The following KAZN variants were observed in gnomAD, a reference collection of about 807,000 sequenced individuals.
The protein encoded by KAZN is kazrin.
KAZN carries 40 observed loss-of-function variants against 87.4 expected under a neutral mutation model. That is an observed-to-expected ratio of 0.46 (90% CI 0.36 to 0.60). KAZN has a LOEUF of 0.60. KAZN is among the 20% of genes least tolerant of loss of function. KAZN has a pLI of 0.00. For synonymous variants in KAZN, 466 were observed against 458.3 expected, an observed-to-expected ratio of 1.02 and a Z score of -0.22; for missense variants, 898 against 1,073.9, an observed-to-expected ratio of 0.84 and a Z score of 2.29.
chr1:14,443,141 G>A (rs761512289), intron 2 of KAZN, among the ~76,000 whole-genome samples: 8 of 152,172 alleles, frequency 5.3e-5, no homozygotes, highest in Admixed American at 3.3e-4. Flanking sequence ...TCTTCCAAAC[G>A]TGATCTGGGC....
In KAZN at chr1:14,949,175, A is replaced by ATAG. The variant is rs1462719559; in HGVS notation, c.227-11507_227-11506insGTA. Among the ~76,000 whole-genome samples, 4 of 149,506 alleles carry ATAG rather than the reference A, an allele frequency of 2.7e-5. No homozygotes were observed. The highest frequency in any genetic ancestry group is 9.8e-5 in the African/African-American group (4 of 40,824). On this transcript the variant is annotated intron_variant, in intron 1 of 14. Coordinates refer to ENST00000376030, the MANE Select transcript of KAZN (RefSeq NM_201628.3). This position sits in a 1 kb window ranked among gnomAD's most constrained non-coding sequence, Gnocchi z 4.3. ...CTCAAAAATAATAATAATAATAATA[A>ATAG]TAATAATAATAATAAGTAATTTGTC... is the stretch of plus-strand genomic sequence containing the variant.
chr1:15,090,752 C>T (rs1202115947), intron 8 of KAZN, among the ~76,000 whole-genome samples: 2 of 152,240 alleles, frequency 1.3e-5, no homozygotes, highest in Non-Finnish European at 2.9e-5. Flanking sequence ...CTTGTCCCAG[C>T]ACGGACAGCC....
At chr1:14,523,459 G>A (rs1011296043) in intron 2 of KAZN, among the ~76,000 whole-genome samples, 9 of 152,168 alleles carry the variant, frequency 5.9e-5, no homozygotes, top group Non-Finnish European at 1.0e-4. Flanking sequence ...ACATGGAAAG[G>A]GCGGAAATAA....
chr1:14,532,679 C>T (rs1310064263), intron 2 of KAZN, among the ~76,000 whole-genome samples: 1 of 135,778 alleles, frequency 7.4e-6, no homozygotes, highest in Non-Finnish European at 1.5e-5. Context: ...TCCATGTGTT[C>T]TCATTGTTCA....
chr1:14,296,524 G>A (rs903981694), intron 2 of KAZN, among the ~76,000 whole-genome samples: 37 of 151,796 alleles, frequency 2.4e-4, no homozygotes, highest in African/African-American at 8.7e-4. Flanking sequence ...CAGGGAGCAT[G>A]AGCCCTTATT....
At chr1:15,069,326 C>T (rs1327022105) in intron 8 of KAZN, among the ~76,000 whole-genome samples, 1 of 152,146 alleles carries the variant, frequency 6.6e-6, no homozygotes, top group African/African-American at 2.4e-5. Flanking sequence ...TTTTTGCCCT[C>T]TCAAAACTAA....
chr1:14,350,075 AG>A lies in KAZN; in HGVS notation c.249+169484del, dbSNP rs552398151. Among the ~76,000 whole-genome samples, 131 of 147,944 alleles carry A rather than the reference AG, an allele frequency of 8.9e-4. 1 individual carries two copies. Among genetic ancestry groups the A allele is most frequent in the Non-Finnish European group, 1.4e-3 (93 of 67,470 alleles). On this transcript the variant is annotated intron_variant, in intron 2 of 16. Transcript: ENST00000636203. ...CGTGAACCTGGGAGGCGGAGCTTGC[AG>A]TGAGCTGAGATCGCGCCACTGCACT... is the stretch of plus-strand genomic sequence containing the variant.
At position 14,735,820 on chromosome 1, in the gene KAZN, C is replaced by A. The variant is rs1236251176; in HGVS notation, c.226+136597C>A. ...TGGGTTTGGTAAGTTGTAAAAGGAA[C>A]TTGCTGCTAAATAGCCACTTAATCC... On this transcript the variant is annotated intron_variant, in intron 1 of 14. Coordinates refer to ENST00000376030, the MANE Select transcript of KAZN (RefSeq NM_201628.3). The surrounding 1 kb of genome is among the most constrained non-coding windows in gnomAD (Gnocchi z 4.3). Among the ~76,000 whole-genome samples the A allele has an allele frequency of 6.6e-6, 1 of 152,204 alleles. No homozygotes were observed. The highest frequency in any genetic ancestry group is 2.4e-5 in the African/African-American group (1 of 41,446).
intron 2 of KAZN, among the ~76,000 whole-genome samples, chr1:14,455,147 G>A (rs1667496952): frequency 6.6e-6 from 1 of 152,194 alleles, no homozygotes; most frequent in African/African-American, 2.4e-5. Flanking sequence ...TCGCAATGTG[G>A]GAGGGAGCTG....
chr1:14,491,992 GC>G (rs1165400310), intron 2 of KAZN, among the ~76,000 whole-genome samples: 1 of 152,080 alleles, frequency 6.6e-6, no homozygotes, highest in Non-Finnish European at 1.5e-5. Context: ...ACAATTATCA[GC>G]CCCATGCTTA....
chr1:14,440,134 A>T (rs1411757628), intron 2 of KAZN, among the ~76,000 whole-genome samples: 1 of 152,214 alleles, frequency 6.6e-6, no homozygotes, highest in Non-Finnish European at 1.5e-5. Flanking sequence ...TTATCTGTCT[A>T]GTTCACTGCA....
At chr1:14,962,527 G>A (rs1664001052) in intron 2 of KAZN, among the ~76,000 whole-genome samples, 2 of 152,112 alleles carry the variant, frequency 1.3e-5, no homozygotes, top group Admixed American at 1.3e-4. Context: ...AGCTTCCCAG[G>A]ATCCTGTAAT....
At chr1:14,313,459 T>C (rs1375316777) in intron 2 of KAZN, among the ~76,000 whole-genome samples, 3 of 152,224 alleles carry the variant, frequency 2.0e-5, no homozygotes, top group South Asian at 2.1e-4. Flanking sequence ...TGTGTACTTA[T>C]ATGTTTAACT....
chr1:14,521,901 G>GA (rs1671610853), intron 2 of KAZN, among the ~76,000 whole-genome samples: 1 of 152,092 alleles, frequency 6.6e-6, no homozygotes. Flanking sequence ...TGCACCATAG[G>GA]AAAAAATTCA....
Position 14,599,009 on chromosome 1 carries a change from C to T in KAZN, c.12C>T (p.Asp4=), listed in dbSNP as rs1048911184. 1 of 1,571,298 alleles carries T rather than the reference C, an allele frequency of 6.4e-7. No homozygotes were observed. The highest frequency in any genetic ancestry group is 8.6e-7 in the Non-Finnish European group (1 of 1,162,450). ...CCAAAATCCTGAGCATGATGGAAGA[C>T]AATAAGCAGCTCGCGCTCCGCATCG... is the stretch of plus-strand genomic sequence containing the variant. MME[D]NKQLALRIDG... The change falls in exon 1 of 15, where the codon GAC becomes GAT. Residue 4 remains aspartate (D), a synonymous_variant. Transcript: ENST00000376030. This position sits in a 1 kb window ranked among gnomAD's most constrained non-coding sequence, Gnocchi z 4.4.
chr1:14,787,292 G>A (rs1252803195), intron 1 of KAZN, among the ~76,000 whole-genome samples: 1 of 152,190 alleles, frequency 6.6e-6, no homozygotes, highest in Non-Finnish European at 1.5e-5. Flanking sequence ...CTAAGAAGTA[G>A]GCGTTTTTCT....
At chr1:14,481,308 G>T (rs1669069938) in intron 2 of KAZN, among the ~76,000 whole-genome samples, 1 of 152,078 alleles carries the variant, frequency 6.6e-6, no homozygotes, top group Admixed American at 6.6e-5. Context: ...ATATGAAAAA[G>T]CTTTTAAAGC....
At chr1:14,304,040 A>C (rs1045967880) in intron 2 of KAZN, among the ~76,000 whole-genome samples, 1 of 152,164 alleles carries the variant, frequency 6.6e-6, no homozygotes, top group Non-Finnish European at 1.5e-5. Flanking sequence ...TACCTTACCA[A>C]CTTCAAGTAT....
At chr1:14,251,377 G>T in intron 2 of KAZN, among the ~76,000 whole-genome samples, 1 of 152,174 alleles carries the variant, frequency 6.6e-6, no homozygotes, top group East Asian at 1.9e-4. Flanking sequence ...CTCCAGGAAG[G>T]CAATGTCTCT....
Sources: gnomAD v4.1 joint callset for allele counts (sites outside exome capture counted in the v4.1 genomes callset) on GRCh38, gnomAD v4.1.1 for gene constraint, Gnocchi (gnomAD v3.1) non-coding constraint, MANE v1.5 for transcripts, NCBI Gene and HGNC (gene_info 2026-07-23, HGNC 2026-07-21) for gene names.